MMP28: variants seen among roughly 807,000 people sequenced by gnomAD.
MMP28 encodes matrix metalloproteinase-28.
MMP28 carries 55 observed loss-of-function variants against 60.5 expected under a neutral mutation model. The ratio of observed to expected loss-of-function variants is 0.91; its 90% CI spans 0.73 to 1.14. The LOEUF (loss-of-function observed/expected upper bound fraction) is 1.14. Ranked by LOEUF, MMP28 falls within the 50% of genes most tolerant of loss-of-function variation. The pLI, the probability that MMP28 is intolerant of heterozygous loss-of-function variation, is 0.00. For synonymous variants in MMP28, 318 were observed against 312.5 expected (o/e 1.02, Z -0.18); for missense variants, 686 against 738.3 (o/e 0.93, Z 0.82).
chr17:35,762,918 C>G (rs587692965), downstream of MMP28, among the ~76,000 whole-genome samples: 1 of 152,018 alleles, frequency 6.6e-6, no homozygotes, highest in Admixed American at 6.5e-5. Context: ...GAGGTCAGAT[C>G]GAGACCATCC....
Position 35,795,365 on chromosome 17 carries a change from C to G in MMP28, c.13G>C (p.Val5Leu). 4.9e-6 allele frequency: 7 copies of G among 1,443,030 alleles called. No individual in the cohort carries two copies. Among genetic ancestry groups the G allele is most frequent in the Non-Finnish European group, 5.5e-6 (6 of 1,100,848 alleles). 89.4% of individuals were successfully genotyped at this position (1,443,030 alleles called of 1,614,324 possible). The change falls in exon 1 of 8, where the codon GTC becomes CTC. Residue 5 changes from valine to leucine, a missense_variant. Physicochemically the swap from Val to Leu is conservative, Grantham distance 32. Coordinates refer to ENST00000605424, the MANE Select transcript of MMP28 (RefSeq NM_024302.5). ...TGCAGGGCGCGCAGCAGGAGGCCGA[C>G]GCGCGCGACCATCTCGCCGCCTCCG... MVAR[V>L]GLLLRALQLL...
chr17:35,778,984 C>G lies in MMP28; in HGVS notation c.283G>C (p.Asp95His). Residue 95 changes from aspartate to histidine, a missense_variant, in exon 3 of 8, where the codon GAT becomes CAT. Physicochemically the swap from Asp to His is moderately conservative, Grantham distance 81 (BLOSUM62 -1). Coordinates refer to ENST00000605424, the MANE Select transcript of MMP28 (RefSeq NM_024302.5). Reference protein sequence around the residue: ...QMTRPRCGVTDTNSYAAWAER... With the variant: ...QMTRPRCGVTHTNSYAAWAER... ...GCCCAGGCCGCATAACTGTTGGTAT[C>G]TGTAACCCCGCAGCGGGGACGAGTC... The G allele has an allele frequency of 6.2e-7, 1 of 1,614,080 alleles. No individual in the cohort carries two copies. Among genetic ancestry groups the G allele is most frequent in the Non-Finnish European group, 8.5e-7 (1 of 1,179,900 alleles).
chr17:35,782,661 A>G (rs1259861970), intron 1 of MMP28, among the ~76,000 whole-genome samples: 1 of 152,086 alleles, frequency 6.6e-6, no homozygotes, highest in Non-Finnish European at 1.5e-5. Context: ...GCAAATGTAC[A>G]CTATTTTTGG....
At chr17:35,788,271 C>T (rs2086712437) in intron 1 of MMP28, among the ~76,000 whole-genome samples, 1 of 152,152 alleles carries the variant, frequency 6.6e-6, no homozygotes, top group Admixed American at 6.6e-5. Flanking sequence ...TTTATCCAGA[C>T]CACATCTTGT....
Position 35,766,687 on chromosome 17 carries a change from C to T in MMP28, c.1376G>A (p.Trp459Ter). ...GCTGACCTCCTCAGGGATGCCTCCCCAGTCCTGCAGACTTCGGGGGTAGTA... is the reference window on the plus strand; with the variant it reads ...GCTGACCTCCTCAGGGATGCCTCCCTAGTCCTGCAGACTTCGGGGGTAGTA... Reference protein sequence around the residue: ...EPYYPRSLQDWGGIPEEVSGA... With the variant: ...EPYYPRSLQD Residue 459 changes from tryptophan (W) to a stop codon, truncating the protein, a stop_gained, in exon 8 of 8, where the codon TGG becomes TAG. Transcript: ENST00000605424. LOFTEE classifies it high-confidence loss of function. This position sits in a 1 kb window ranked among gnomAD's most constrained non-coding sequence, Gnocchi z 4.3. The T allele has an allele frequency of 1.2e-6, 2 of 1,608,008 alleles. No individual in the cohort carries two copies. Among genetic ancestry groups the T allele is most frequent in the Non-Finnish European group, 1.7e-6 (2 of 1,177,162 alleles).
At chr17:35,794,713 C>T (rs1360482769) in intron 1 of MMP28, among the ~76,000 whole-genome samples, 1 of 152,136 alleles carries the variant, frequency 6.6e-6, no homozygotes, top group Non-Finnish European at 1.5e-5. Flanking sequence ...GTCCTGAAGC[C>T]CCGTTTAAAG....
rs111598441 is a variant in MMP28 at position 35,794,089 on chromosome 17, C to T, written c.111+1178G>A. On this transcript the variant is annotated intron_variant, in intron 1 of 7. Coordinates refer to ENST00000605424, the MANE Select transcript of MMP28 (RefSeq NM_024302.5). Reference sequence around the variant, plus strand: ...CTCCATCCCGGGCAACAGAGCGAGACTCTGTCTCAAAACAAAAACAAAACA... The same window carrying T: ...CTCCATCCCGGGCAACAGAGCGAGATTCTGTCTCAAAACAAAAACAAAACA... Among the ~76,000 whole-genome samples, 70 of 152,108 alleles carry T rather than the reference C, an allele frequency of 4.6e-4. 1 individual carries two copies. The highest frequency in any genetic ancestry group is 1.7e-3 in the African/African-American group (69 of 41,520).
intron 1 of MMP28, among the ~76,000 whole-genome samples, chr17:35,779,609 G>T (rs561511667): frequency 6.6e-6 from 1 of 152,182 alleles, no homozygotes; most frequent in South Asian, 2.1e-4. Context: ...CATATCTTAC[G>T]GCATCAGTAG....
Position 35,767,791 on chromosome 17 carries a change from C to T in MMP28, c.1129G>A (p.Ala377Thr), listed in dbSNP as rs1555604004. 1 of 1,590,260 alleles carries T rather than the reference C, an allele frequency of 6.3e-7. No individual in the cohort carries two copies. The highest frequency in any genetic ancestry group is 8.6e-7 in the Non-Finnish European group (1 of 1,168,686). ...VGLPPNIEAAAVSLNDGDFYF... is the reference protein window; with the variant it reads ...VGLPPNIEAATVSLNDGDFYF... ...AAATCTCCATCATTCAATGACACTG[C>T]CGCAGCCTCAATGTTGGGGGGCAGC... The change falls in exon 7 of 8, where the codon GCA becomes ACA. Residue 377 changes from alanine (A) to threonine (T), a missense_variant. Coordinates refer to ENST00000605424, the MANE Select transcript of MMP28 (RefSeq NM_024302.5).
At chr17:35,762,241 C>T (rs1033022808), downstream of MMP28, among the ~76,000 whole-genome samples, 2 of 151,960 alleles carry the variant, frequency 1.3e-5, no homozygotes, top group African/African-American at 4.8e-5. Flanking sequence ...CCGCCTGCTT[C>T]GGCCTCCCAA....
At position 35,795,507 on chromosome 17, in the gene MMP28, G is replaced by A. The variant is rs1478966665; in HGVS notation, c.-130C>T. 8.3e-6 allele frequency: 5 copies of A among 605,270 alleles called. No individual in the cohort carries two copies. The highest frequency in any genetic ancestry group is 4.4e-5 in the Admixed American group (1 of 22,830). The allele number at this position is 605,270 out of a possible 1,614,324, so 37.5% of individuals were successfully genotyped here. A position where few individuals can be genotyped will look rare whatever the true frequency, so the allele number is the denominator to read the frequency against. ...CCCCCGCACGGAGAGGGACTGTCCC[G>A]GGGTTTCGCCAGTGCCCTAGCTGCG... On this transcript the variant is annotated 5_prime_UTR_variant, in exon 1 of 8. Coordinates refer to ENST00000605424, the MANE Select transcript of MMP28 (RefSeq NM_024302.5).
At chr17:35,785,136 C>T (rs1289147672) in intron 1 of MMP28, among the ~76,000 whole-genome samples, 1 of 152,114 alleles carries the variant, frequency 6.6e-6, no homozygotes, top group Non-Finnish European at 1.5e-5. Context: ...TTGGTGGAAT[C>T]ACACAGTGCT....
intron 4 of MMP28, 138 bp from the exon 5 acceptor site, chr17:35,770,450 G>T (rs2086097908): frequency 1.7e-6 from 2 of 1,152,738 alleles, no homozygotes; most frequent in East Asian, 2.7e-5. Flanking sequence ...GGCAGAACCT[G>T]AAGTGTGCAG....
chr17:35,768,724 C>T (rs1372513777), intron 5 of MMP28, among the ~76,000 whole-genome samples: 1 of 152,072 alleles, frequency 6.6e-6, no homozygotes, highest in Non-Finnish European at 1.5e-5. Flanking sequence ...GCAGGAGAAC[C>T]GCTTGAATCC....
At position 35,795,455 on chromosome 17, in the gene MMP28, C is replaced by T. The variant is rs981750965; in HGVS notation, c.-78G>A. On this transcript the variant is annotated 5_prime_UTR_variant, in exon 1 of 8. Transcript: ENST00000605424. The stretch of plus-strand genomic sequence containing the variant: ...AGCCGGCAGTCAGCCGCGCCCGGGA[C>T]CCCGGGGATGGGACTGCTCTGCGCC... The T allele has an allele frequency of 5.4e-6, 6 of 1,101,004 alleles. No homozygotes were observed. The highest frequency in any genetic ancestry group is 4.0e-5 in the Admixed American group (1 of 24,828). The allele number at this position is 1,101,004 out of a possible 1,614,324, so 68.2% of individuals were successfully genotyped here. A position where few individuals can be genotyped will look rare whatever the true frequency, so the allele number is the denominator to read the frequency against.
chr17:35,771,160 C>A (rs948618166), intron 4 of MMP28, among the ~76,000 whole-genome samples: 1 of 151,754 alleles, frequency 6.6e-6, no homozygotes, highest in Non-Finnish European at 1.5e-5. Context: ...AGGCTGGGTG[C>A]GGTGGCTCAC....
chr17:35,764,351 CA>C (rs2085890878), downstream of MMP28: 4 of 1,457,368 alleles, frequency 2.7e-6, no homozygotes, highest in South Asian at 5.7e-5. Context: ...TCGACCGGGG[CA>C]CGAGGGAGGC....
downstream of MMP28, among the ~76,000 whole-genome samples, chr17:35,763,664 A>C (rs1555601964): frequency 6.6e-6 from 1 of 151,822 alleles, no homozygotes; most frequent in East Asian, 1.9e-4. Context: ...TGGGAGGCCG[A>C]AAAGGGCAAA....
At chr17:35,768,064 G>A in intron 6 of MMP28, 145 bp from the exon 7 acceptor site, 4 of 1,285,110 alleles carry the variant, frequency 3.1e-6, no homozygotes, top group Non-Finnish European at 4.2e-6. Flanking sequence ...AAAGTGGGCA[G>A]GAAGAAGCGG....
Sources: gnomAD v4.1 joint callset for allele counts (sites outside exome capture counted in the v4.1 genomes callset) on GRCh38, gnomAD v4.1.1 for gene constraint, Gnocchi (gnomAD v3.1) non-coding constraint, MANE v1.5 for transcripts, NCBI Gene and HGNC (gene_info 2026-07-23, HGNC 2026-07-21) for gene names.